The following PDE1A variants were observed in gnomAD, a reference collection of about 807,000 sequenced individuals.
PDE1A encodes the protein phosphodiesterase 1A, also known as dual specificity calcium/calmodulin-dependent 3',5'-cyclic nucleotide phosphodiesterase 1A.
In PDE1A, 35 loss-of-function variants were observed where a neutral mutation model predicts 61.7. The observed-to-expected ratio is 0.57, with a 90% CI of 0.43 to 0.75. The LOEUF is 0.75. PDE1A is among the 30% of genes least tolerant of loss of function. The pLI, the probability that PDE1A is intolerant of heterozygous loss-of-function variation, is 0.00. For missense variants in PDE1A, 597 were observed against 630.6 expected, an observed-to-expected ratio of 0.95 and a Z score of 0.57; for synonymous variants, 232 against 213.2, an observed-to-expected ratio of 1.09 and a Z score of -0.77.
At chr2:182,186,425 C>A (rs779381031) in intron 12 of PDE1A, 43 bp downstream of exon 12, 34 of 1,593,628 alleles carry the variant, frequency 2.1e-5, no homozygotes, top group Non-Finnish European at 5.1e-6. Flanking sequence ...TGTTACTAAA[C>A]ACCACAAAGA....
At chr2:182,348,001 GA>G (rs1225354463) in intron 1 of PDE1A, among the ~76,000 whole-genome samples, 2 of 152,228 alleles carry the variant, frequency 1.3e-5, no homozygotes, top group East Asian at 3.9e-4. Flanking sequence ...ATCCACAAAT[GA>G]AGTGACACAT....
chr2:182,276,718 G>T (rs545821614), intron 1 of PDE1A, among the ~76,000 whole-genome samples: 13 of 152,120 alleles, frequency 8.5e-5, no homozygotes, highest in African/African-American at 3.1e-4. Flanking sequence ...TTTTCTTCTT[G>T]CAGAGAGCCT....
At chr2:182,527,989 C>T (rs947051750), upstream of PDE1A, among the ~76,000 whole-genome samples, 1 of 152,048 alleles carries the variant, frequency 6.6e-6, no homozygotes, top group South Asian at 2.1e-4. Flanking sequence ...TATAAATTAC[C>T]CAGTCTCAGG....
intron 2 of PDE1A, among the ~76,000 whole-genome samples, chr2:182,500,855 TAAAC>T (rs1689044143): frequency 6.6e-6 from 1 of 152,150 alleles, no homozygotes; most frequent in Non-Finnish European, 1.5e-5. Flanking sequence ...AAAATCAAAA[TAAAC>T]AATGACTTTC....
In PDE1A at chr2:182,449,965, A is replaced by C. The variant is rs946868343; in HGVS notation, c.101+72311T>G. 1.4e-4 allele frequency among the ~76,000 whole-genome samples: 22 copies of C among 152,222 alleles called. 1 individual carries two copies. In the Middle Eastern group the frequency reaches 0.01, roughly 71 times the overall value. ...TTCAGCTATTATACCAAACTCAATT[A>C]CACCAACTTGGATCATCCATGTAAA... On this transcript the variant is annotated intron_variant, in intron 2 of 14. Transcript: ENST00000410103.
intron 1 of PDE1A, among the ~76,000 whole-genome samples, chr2:182,385,252 C>T (rs1370845542): frequency 6.6e-6 from 1 of 152,142 alleles, no homozygotes; most frequent in Non-Finnish European, 1.5e-5. Context: ...GTCACACAGA[C>T]AAATTCATCA....
intron 2 of PDE1A, among the ~76,000 whole-genome samples, chr2:182,486,252 G>A (rs1233858685): frequency 6.6e-6 from 1 of 151,992 alleles, no homozygotes; most frequent in East Asian, 1.9e-4. Flanking sequence ...AATAAAAGAA[G>A]TGTAAAATTT....
At chr2:182,700,508 G>A in the PDE1A span, among the ~76,000 whole-genome samples, 2 of 151,854 alleles carry the variant, frequency 1.3e-5, no homozygotes, top group Non-Finnish European at 2.9e-5. Context: ...TGGCTCACAA[G>A]GTCAGGAGAT....
rs191473761 is a variant in PDE1A, at chr2:182,518,291, C to T, written c.101+3985G>A. Among the ~76,000 whole-genome samples, 32 of 152,178 alleles carry T rather than the reference C, an allele frequency of 2.1e-4. No individual in the cohort carries two copies. In the East Asian group the frequency reaches 6.0e-3, roughly 29 times the overall value. On this transcript the variant is annotated intron_variant, in intron 2 of 14. Transcript: ENST00000410103. ...ATCCTCTTGGTGATAAGGGCCTGGACAACTCCATCTGAGAACTACACAACA... is the reference window on the plus strand; with the variant it reads ...ATCCTCTTGGTGATAAGGGCCTGGATAACTCCATCTGAGAACTACACAACA...
chr2:182,431,134 A>C (rs548734271), upstream of PDE1A, among the ~76,000 whole-genome samples: 367 of 150,930 alleles, frequency 2.4e-3, no homozygotes, highest in African/African-American at 8.2e-3. Flanking sequence ...AAAAAAAAAA[A>C]AAAAAAACAC....
chr2:182,383,397 T>C (rs908930779), intron 1 of PDE1A, among the ~76,000 whole-genome samples: 1 of 152,224 alleles, frequency 6.6e-6, no homozygotes, highest in Non-Finnish European at 1.5e-5. Context: ...ATGTAGATTG[T>C]AGTTTAATGA....
chr2:182,514,355 A>G (rs1690004622), intron 2 of PDE1A, among the ~76,000 whole-genome samples: 1 of 152,238 alleles, frequency 6.6e-6, no homozygotes, highest in Non-Finnish European at 1.5e-5. Flanking sequence ...GAATCAAAAA[A>G]GAGCATGAAC....
intron 2 of PDE1A, among the ~76,000 whole-genome samples, chr2:182,453,617 G>A (rs575115268): frequency 6.6e-6 from 1 of 152,038 alleles, no homozygotes; most frequent in Non-Finnish European, 1.5e-5. Context: ...GTCAACATAT[G>A]AAAATCAATA....
At chr2:182,688,484 A>AT in the PDE1A span, among the ~76,000 whole-genome samples, 1 of 152,202 alleles carries the variant, frequency 6.6e-6, no homozygotes, top group Non-Finnish European at 1.5e-5. Flanking sequence ...ATGCCGAGAG[A>AT]TTTTGTCACC....
chr2:182,153,045 T>TA (rs1476496340), intron 13 of PDE1A, among the ~76,000 whole-genome samples: 1 of 152,176 alleles, frequency 6.6e-6, no homozygotes, highest in African/African-American at 2.4e-5. Flanking sequence ...GCTTTAGACT[T>TA]ACACCCAATG....
At chr2:182,709,888 T>TTTTG in the PDE1A span, among the ~76,000 whole-genome samples, 14 of 152,182 alleles carry the variant, frequency 9.2e-5, no homozygotes, top group African/African-American at 2.7e-4. Flanking sequence ...CTGCCTTCTC[T>TTTTG]TTTGTTTGTT....
the PDE1A span, among the ~76,000 whole-genome samples, chr2:182,661,184 TCA>T: frequency 1.3e-5 from 2 of 152,204 alleles, no homozygotes; most frequent in Non-Finnish European, 2.9e-5. Context: ...TTCCTGTTTA[TCA>T]CAGAGATTAA....
intron 1 of PDE1A, among the ~76,000 whole-genome samples, chr2:182,294,091 G>T (rs1312227260): frequency 1.3e-5 from 2 of 152,180 alleles, no homozygotes; most frequent in African/African-American, 2.4e-5. Context: ...AACAACAAAA[G>T]ATTTAATCAC....
chr2:182,527,828 A>C (rs1428187743), upstream of PDE1A, among the ~76,000 whole-genome samples: 3 of 152,038 alleles, frequency 2.0e-5, no homozygotes, highest in Non-Finnish European at 4.4e-5. Flanking sequence ...GTAGTGAATA[A>C]GTCTCATGAG....
Sources: gnomAD v4.1 joint callset for allele counts (sites outside exome capture counted in the v4.1 genomes callset) on GRCh38, gnomAD v4.1.1 for gene constraint, MANE v1.5 for transcripts, NCBI Gene and HGNC (gene_info 2026-07-23, HGNC 2026-07-21) for gene names.